ZNF563: variants seen among roughly 807,000 people sequenced by gnomAD.
ZNF563 encodes zinc finger protein 563.
ZNF563 carries 39 observed loss-of-function variants against 48.5 expected under a neutral mutation model. The observed-to-expected ratio is 0.80, with a 90% confidence interval of 0.62 to 1.05. The LOEUF (loss-of-function observed/expected upper bound fraction) is 1.05, where lower values mean the gene tolerates loss of function less well. Among genes scored for constraint, ZNF563 ranks in the 50% least tolerant of loss-of-function variants. The probability of loss-of-function intolerance (pLI) is 0.00; values close to 1 mark genes in which losing one functional copy is unlikely to be tolerated. For missense variants in ZNF563, 538 were observed against 597.0 expected, an observed-to-expected ratio of 0.90 and a Z score of 1.03; for synonymous variants, 168 against 187.9, an observed-to-expected ratio of 0.89 and a Z score of 0.87.
rs370072973 is a variant in ZNF563 at position 12,323,944 on chromosome 19, G to A, written c.4-1233C>T. 2.0e-5 allele frequency among the ~76,000 whole-genome samples: 3 copies of A among 152,282 alleles called. No homozygotes were observed. In the South Asian group the frequency reaches 6.2e-4, roughly 32 times the overall value. On this transcript the variant is annotated intron_variant, in intron 1 of 3. Coordinates refer to ENST00000293725, the MANE Select transcript of ZNF563 (RefSeq NM_145276.3). Reference sequence around the variant, plus strand: ...ATTTTTGAACATCTTATTGGGTAATGTCAAAGGAGAAGGAAAGAAGGTCAA... The same window carrying A: ...ATTTTTGAACATCTTATTGGGTAATATCAAAGGAGAAGGAAAGAAGGTCAA...
At chr19:12,342,677 G>A in the ZNF563 span, among the ~76,000 whole-genome samples, 1 of 151,650 alleles carries the variant, frequency 6.6e-6, no homozygotes, top group African/African-American at 2.4e-5. Context: ...GGAGGCTGTG[G>A]CAAGAGGGTC....
intron 1 of ZNF563, among the ~76,000 whole-genome samples, chr19:12,328,813 T>C (rs1302561209): frequency 1.3e-5 from 2 of 151,380 alleles, no homozygotes; most frequent in Non-Finnish European, 2.9e-5. Context: ...AAAGAAATTA[T>C]ATAAAATATG....
chr19:12,332,380 T>G (rs1298917944), intron 1 of ZNF563, among the ~76,000 whole-genome samples: 3 of 146,814 alleles, frequency 2.0e-5, no homozygotes, highest in Non-Finnish European at 4.5e-5. Context: ...GGAGTCTCTC[T>G]CTGTCGCCGG....
rs1272667734 is a variant in ZNF563, at chr19:12,333,630, G to T, written c.-148C>A. On this transcript the variant is annotated 5_prime_UTR_variant, in exon 1 of 4. Coordinates refer to ENST00000293725, the MANE Select transcript of ZNF563 (RefSeq NM_145276.3). ...CGTTCCAGGGCGTCTCTCAGCGAGCGACTGAGTCTAGAGCTGAGCGCAGGG... is the reference window on the plus strand; with the variant it reads ...CGTTCCAGGGCGTCTCTCAGCGAGCTACTGAGTCTAGAGCTGAGCGCAGGG... The T allele has an allele frequency of 8.0e-7, 1 of 1,247,202 alleles. No homozygotes were observed. Among genetic ancestry groups the T allele is most frequent in the Non-Finnish European group, 1.1e-6 (1 of 905,146 alleles). The allele number at this position is 1,247,202 out of a possible 1,614,324, so 77.3% of individuals were successfully genotyped here. A position where few individuals can be genotyped will look rare whatever the true frequency, so the allele number is the denominator to read the frequency against.
chr19:12,342,716 T>A, the ZNF563 span, among the ~76,000 whole-genome samples: 2 of 150,414 alleles, frequency 1.3e-5, no homozygotes, highest in Non-Finnish European at 3.0e-5. Context: ...GAGGCTGCAG[T>A]GAGCCCTGAT....
At chr19:12,333,641 G>T, upstream of ZNF563, 1 of 1,125,596 alleles carries the variant, frequency 8.9e-7, no homozygotes. Flanking sequence ...ACTGAGTCTA[G>T]AGCTGAGCGC....
chr19:12,342,980 G>A, the ZNF563 span, among the ~76,000 whole-genome samples: 1 of 151,062 alleles, frequency 6.6e-6, no homozygotes, highest in Non-Finnish European at 1.5e-5. Context: ...GGTGGATCAC[G>A]AGGTCAGGAG....
rs1481801802 is a variant in ZNF563, at chr19:12,317,677, A to C, written c.*917T>G. The C allele has an allele frequency of 2.0e-5, 3 of 152,076 alleles. No homozygotes were observed. The highest frequency in any genetic ancestry group is 4.4e-5 in the Non-Finnish European group (3 of 67,994). 9.4% of individuals were successfully genotyped at this position (152,076 alleles called of 1,614,324 possible). A position where few individuals can be genotyped will look rare whatever the true frequency, so the allele number is the denominator to read the frequency against. ...TTTTGTACCAAATATGTCATTTTTA[A>C]AAAAGGACTTGGCATGTGTCGATTT... On this transcript the variant is annotated 3_prime_UTR_variant, in exon 4 of 4. Coordinates refer to ENST00000293725, the MANE Select transcript of ZNF563 (RefSeq NM_145276.3).
intron 3 of ZNF563, 140 bp from the exon 4 acceptor site, chr19:12,319,973 G>A: frequency 1.3e-6 from 1 of 772,714 alleles, no homozygotes; most frequent in African/African-American, 1.8e-5. Context: ...CTAGAGTGCA[G>A]CGGCACGATC....
chr19:12,324,483 T>C (rs6511780), intron 1 of ZNF563, among the ~76,000 whole-genome samples: 31,365 of 151,892 alleles, frequency 0.21, 3,522 homozygotes, highest in African/African-American at 0.3. Flanking sequence ...TTTGGGTGGC[T>C]GAGGTGGGCG....
chr19:12,328,413 A>G (rs1478307456), intron 1 of ZNF563, among the ~76,000 whole-genome samples: 1 of 152,232 alleles, frequency 6.6e-6, no homozygotes, highest in Non-Finnish European at 1.5e-5. Flanking sequence ...TGGAGGCTGC[A>G]TTGAACTATG....
chr19:12,323,879 C>T (rs1968700766), intron 1 of ZNF563, among the ~76,000 whole-genome samples: 1 of 151,946 alleles, frequency 6.6e-6, no homozygotes, highest in South Asian at 2.1e-4. Context: ...TTAAGCATGA[C>T]AAATAAATAA....
chr19:12,343,067 A>C, the ZNF563 span, among the ~76,000 whole-genome samples: 1 of 142,200 alleles, frequency 7.0e-6, no homozygotes, highest in Non-Finnish European at 1.6e-5. Context: ...TGTGGTGGCA[A>C]GCACCTGTAA....
At chr19:12,328,515 G>A (rs955331755) in intron 1 of ZNF563, among the ~76,000 whole-genome samples, 1 of 152,194 alleles carries the variant, frequency 6.6e-6, no homozygotes, top group Non-Finnish European at 1.5e-5. Context: ...GCTCATGCCT[G>A]TAATCCCAGC....
intron 1 of ZNF563, among the ~76,000 whole-genome samples, chr19:12,325,790 T>C (rs2145810968): frequency 6.6e-6 from 1 of 152,334 alleles, no homozygotes; most frequent in Middle Eastern, 3.4e-3. Flanking sequence ...GGTTTTTGTA[T>C]GTTTCATCTT....
At chr19:12,327,809 G>A (rs763859783) in intron 1 of ZNF563, among the ~76,000 whole-genome samples, 2 of 152,170 alleles carry the variant, frequency 1.3e-5, no homozygotes, top group Non-Finnish European at 2.9e-5. Flanking sequence ...ATAAGGCATA[G>A]ATAGTGAGTT....
chr19:12,330,765 T>G (rs1568478830), intron 1 of ZNF563, among the ~76,000 whole-genome samples: 1 of 152,238 alleles, frequency 6.6e-6, no homozygotes, highest in Non-Finnish European at 1.5e-5. Flanking sequence ...CAGACCTGCC[T>G]GTTTTCATGA....
At chr19:12,343,990 A>G in the ZNF563 span, among the ~76,000 whole-genome samples, 2 of 151,932 alleles carry the variant, frequency 1.3e-5, no homozygotes, top group Non-Finnish European at 2.9e-5. Context: ...CGGCCTCCCA[A>G]AGTGCTGGGA....
chr19:12,323,101 C>T (rs1968677059), intron 1 of ZNF563, among the ~76,000 whole-genome samples: 1 of 152,226 alleles, frequency 6.6e-6, no homozygotes, highest in African/African-American at 2.4e-5. Flanking sequence ...AATTCTTATT[C>T]TCAAAGTTGG....
Sources: gnomAD v4.1 joint callset for allele counts (sites outside exome capture counted in the v4.1 genomes callset) on GRCh38, gnomAD v4.1.1 for gene constraint, MANE v1.5 for transcripts, NCBI Gene and HGNC (gene_info 2026-07-23, HGNC 2026-07-21) for gene names.